The following APBA1 variants were observed in gnomAD, a reference collection of about 807,000 sequenced individuals.
APBA1 encodes the protein amyloid-beta A4 precursor protein-binding family A member 1.
A neutral mutation model predicts 86.6 loss-of-function variants in APBA1; 55 were observed. The ratio of observed to expected loss-of-function variants is 0.64; its 90% confidence interval spans 0.51 to 0.80. APBA1 has a LOEUF of 0.80. Ranked by LOEUF, APBA1 falls within the 30% of genes least tolerant of loss-of-function variation. The probability of loss-of-function intolerance (pLI) is 0.00; values close to 1 mark genes in which losing one functional copy is unlikely to be tolerated. For missense variants in APBA1, 1,090 were observed against 1,183.0 expected (o/e 0.92, Z 1.15); for synonymous variants, 511 against 493.9 (o/e 1.03, Z -0.46).
chr9:69,447,395 A>G (rs1045338742), intron 10 of APBA1, among the ~76,000 whole-genome samples: 5 of 152,140 alleles, frequency 3.3e-5, no homozygotes, highest in African/African-American at 9.7e-5. Context: ...TATGCCGCTC[A>G]GGCAGTTTCT....
intron 1 of APBA1, among the ~76,000 whole-genome samples, chr9:69,523,676 A>C (rs1013939721): frequency 6.6e-6 from 1 of 151,504 alleles, no homozygotes; most frequent in African/African-American, 2.4e-5. Context: ...TCAAAGCAAA[A>C]AACTAACAAA....
intron 1 of APBA1, among the ~76,000 whole-genome samples, chr9:69,658,359 TGTG>T (rs1823683345): frequency 7.3e-6 from 1 of 137,246 alleles, no homozygotes; most frequent in South Asian, 2.4e-4. Flanking sequence ...TCTTTCTTTC[TGTG>T]TTTCTCTGTC....
intron 11 of APBA1, among the ~76,000 whole-genome samples, chr9:69,433,847 T>C (rs2133782260): frequency 1.3e-5 from 2 of 150,628 alleles, no homozygotes; most frequent in East Asian, 3.9e-4. Context: ...AGTCTTGCTC[T>C]GTCACCTAGG....
intron 2 of APBA1, among the ~76,000 whole-genome samples, chr9:69,498,761 C>T (rs368131033): frequency 2.0e-5 from 3 of 152,260 alleles, no homozygotes; most frequent in East Asian, 3.9e-4. Context: ...TAGTCACAAA[C>T]TCTCTGTAGT....
At chr9:69,467,709 G>T in intron 5 of APBA1, 114 bp downstream of exon 5, 2 of 1,407,880 alleles carry the variant, frequency 1.4e-6, no homozygotes, top group Non-Finnish European at 1.9e-6. Flanking sequence ...CCTGTGTGAT[G>T]TCATCTCAAA....
chr9:69,450,211 G>C (rs150989907), intron 9 of APBA1, among the ~76,000 whole-genome samples: 5 of 151,554 alleles, frequency 3.3e-5, no homozygotes, highest in African/African-American at 7.3e-5. Flanking sequence ...TCCCCAATTC[G>C]CTCCGACATT....
At chr9:69,482,461 A>C (rs1221839843) in intron 2 of APBA1, among the ~76,000 whole-genome samples, 1 of 151,310 alleles carries the variant, frequency 6.6e-6, no homozygotes, top group Non-Finnish European at 1.5e-5. Context: ...ATCATTAAAA[A>C]GTCAGGAAAC....
chr9:69,518,193 A>G (rs963548639), intron 1 of APBA1, among the ~76,000 whole-genome samples: 11 of 152,254 alleles, frequency 7.2e-5, no homozygotes, highest in Non-Finnish European at 1.6e-4. Context: ...ACAACAATTT[A>G]TATAGCATTT....
intron 1 of APBA1, among the ~76,000 whole-genome samples, chr9:69,649,806 C>G (rs1372680803): frequency 6.6e-6 from 1 of 152,144 alleles, no homozygotes; most frequent in Non-Finnish European, 1.5e-5. Context: ...CTCATCTCTC[C>G]CCTTAACAAA....
At chr9:69,493,117 C>T (rs1835740153) in intron 2 of APBA1, among the ~76,000 whole-genome samples, 2 of 152,040 alleles carry the variant, frequency 1.3e-5, no homozygotes. Flanking sequence ...CACCTATTTA[C>T]CCTCATTTAA....
chr9:69,481,688 G>C (rs1835511566), intron 2 of APBA1, among the ~76,000 whole-genome samples: 1 of 150,898 alleles, frequency 6.6e-6, no homozygotes, highest in South Asian at 2.1e-4. Context: ...AAAGAACAAA[G>C]CTGGAGGCAT....
rs775870246 is a variant in APBA1, at chr9:69,430,894, A to AGAT, written c.*430_*432dup. On this transcript the variant is annotated 3_prime_UTR_variant, in exon 13 of 13. Transcript: ENST00000265381. ...GCCCTGGGTACTACCACATTCCCAC[A>AGAT]GATAAACTCAGAGAGCAGGGATCAG... The AGAT allele has an allele frequency of 2.6e-4, 42 of 159,236 alleles. No individual in the cohort carries two copies. The highest frequency in any genetic ancestry group is 3.9e-4 in the Non-Finnish European group (28 of 72,556). 9.9% of individuals were successfully genotyped at this position (159,236 alleles called of 1,614,324 possible). A position where few individuals can be genotyped will look rare whatever the true frequency, so the allele number is the denominator to read the frequency against.
At chr9:69,472,320 T>C (rs4744901) in intron 3 of APBA1, 15,019 of 152,524 alleles carry the variant, frequency 0.098, 894 homozygotes, top group East Asian at 0.27. Context: ...CTCACAGCAC[T>C]GTTGGAAGCA....
chr9:69,608,079 A>T (rs28660044), intron 1 of APBA1, among the ~76,000 whole-genome samples: 3 of 152,232 alleles, frequency 2.0e-5, no homozygotes, highest in Non-Finnish European at 4.4e-5. Context: ...TCTGATCACA[A>T]TAGATTATCA....
At chr9:69,669,422 G>T (rs1484336768) in intron 1 of APBA1, among the ~76,000 whole-genome samples, 1 of 152,062 alleles carries the variant, frequency 6.6e-6, no homozygotes, top group East Asian at 1.9e-4. Flanking sequence ...GAAGAGAAAA[G>T]CACTGATGCT....
At chr9:69,616,179 T>G (rs1243083682) in intron 1 of APBA1, among the ~76,000 whole-genome samples, 1 of 152,242 alleles carries the variant, frequency 6.6e-6, no homozygotes, top group Non-Finnish European at 1.5e-5. Context: ...TTGATTACTC[T>G]CTGCTTTAAT....
At chr9:69,654,169 A>G (rs1269422699) in intron 1 of APBA1, among the ~76,000 whole-genome samples, 1 of 152,080 alleles carries the variant, frequency 6.6e-6, no homozygotes, top group Non-Finnish European at 1.5e-5. Context: ...CTATATCAAA[A>G]AAGTAGAAAG....
At chr9:69,542,009 A>G (rs1464730713) in intron 1 of APBA1, among the ~76,000 whole-genome samples, 1 of 152,106 alleles carries the variant, frequency 6.6e-6, no homozygotes, top group Non-Finnish European at 1.5e-5. Flanking sequence ...TACTTTTATA[A>G]AAATAATTTT....
intron 2 of APBA1, among the ~76,000 whole-genome samples, chr9:69,481,014 A>G (rs2133844014): frequency 6.7e-6 from 1 of 149,424 alleles, no homozygotes; most frequent in South Asian, 2.2e-4. Context: ...CACAGCCAAT[A>G]TCATACCGAA....
Sources: allele counts gnomAD v4.1 joint callset (sites outside exome capture counted in the v4.1 genomes callset), GRCh38; gene constraint gnomAD v4.1.1; transcripts MANE v1.5; gene names NCBI Gene and HGNC (gene_info 2026-07-23, HGNC 2026-07-21).